Variants in FHAD1 observed in about 807,000 individuals in gnomAD.
FHAD1 encodes the protein forkhead-associated domain-containing protein 1.
In FHAD1, 146 loss-of-function variants were observed where a neutral mutation model predicts 191.3. That is an observed-to-expected ratio of 0.76 (90% CI 0.67 to 0.88). The LOEUF (loss-of-function observed/expected upper bound fraction) is 0.88. Among genes scored for constraint, FHAD1 ranks in the 40% least tolerant of loss-of-function variants. The pLI is 0.00. For missense variants in FHAD1, 1,635 were observed against 1,785.8 expected (o/e 0.92, Z 1.52); for synonymous variants, 616 against 672.3 (o/e 0.92, Z 1.29).
At chr1:15,310,664 A>G (rs1319516159) in intron 7 of FHAD1, among the ~76,000 whole-genome samples, 3 of 152,176 alleles carry the variant, frequency 2.0e-5, no homozygotes, top group African/African-American at 7.2e-5. Context: ...TCCGATCAGA[A>G]TCTTCATTTT....
At chr1:15,263,911 TG>T (rs1368105599) in intron 2 of FHAD1, among the ~76,000 whole-genome samples, 1 of 152,226 alleles carries the variant, frequency 6.6e-6, no homozygotes, top group African/African-American at 2.4e-5. Context: ...TGAATGGTAT[TG>T]ACACCCTTGT....
At position 15,381,474 on chromosome 1, in the gene FHAD1, C is replaced by G. The variant is rs746967375; in HGVS notation, c.4022+23C>G. 7.8e-6 allele frequency: 12 copies of G among 1,533,548 alleles called. No individual in the cohort carries two copies. The East Asian group carries it at 2.7e-4, about 34-fold the overall frequency. The allele number at this position is 1,533,548 out of a possible 1,614,324, so 95.0% of individuals were successfully genotyped here. On this transcript the variant is annotated intron_variant, in intron 30 of 33. Transcript: ENST00000688493. The surrounding 1 kb of genome is among the most constrained non-coding windows in gnomAD (Gnocchi z 4.6). ...CAGGTACCTCGGCACCCCCATGTCC[C>G]CACAGAAAGGCCCGGGCCTCCCTTC...
chr1:15,272,361 TAAC>T lies in FHAD1; in HGVS notation c.133_135del (p.Asn45del). The T allele has an allele frequency of 3.9e-6, 6 of 1,551,738 alleles. No homozygotes were observed. Among genetic ancestry groups the T allele is most frequent in the Non-Finnish European group, 4.4e-6 (5 of 1,147,006 alleles). On this transcript the variant is annotated inframe_deletion, in exon 3 of 34. Transcript: ENST00000688493. The stretch of plus-strand genomic sequence containing the variant: ...ACAACCACCATGCACTCATTGAATA[TAAC>T]GAGGCGGAGTGCAGCTTTGTTCTCC...
chr1:15,283,606 T>C (rs1661337621), intron 3 of FHAD1, among the ~76,000 whole-genome samples: 1 of 152,226 alleles, frequency 6.6e-6, no homozygotes, highest in African/African-American at 2.4e-5. Flanking sequence ...ATTCTCAACA[T>C]TTACTCATCG....
At chr1:15,361,590 G>T (rs1357796449) in intron 22 of FHAD1, among the ~76,000 whole-genome samples, 1 of 152,098 alleles carries the variant, frequency 6.6e-6, no homozygotes, top group African/African-American at 2.4e-5. Context: ...ACCAGATTTT[G>T]TCCCCGTAGT....
chr1:15,315,626 C>G (rs1034637158), intron 8 of FHAD1, among the ~76,000 whole-genome samples: 1 of 151,958 alleles, frequency 6.6e-6, no homozygotes, highest in East Asian at 1.9e-4. Context: ...GCTGGGACTA[C>G]AGGCGCCCGC....
intron 27 of FHAD1, among the ~76,000 whole-genome samples, chr1:15,374,864 GTTT>G (rs1553314216): frequency 6.8e-5 from 5 of 73,086 alleles, no homozygotes; most frequent in African/African-American, 1.8e-4. Context: ...TTTTTTGTTT[GTTT>G]TTTTTTTTTG....
intron 20 of FHAD1, among the ~76,000 whole-genome samples, chr1:15,354,621 A>G (rs531194633): frequency 1.3e-5 from 2 of 152,326 alleles, no homozygotes; most frequent in Non-Finnish European, 2.9e-5. Flanking sequence ...AGGAGAGGTT[A>G]AAGTTTTAAA....
intron 8 of FHAD1, among the ~76,000 whole-genome samples, chr1:15,314,205 C>G (rs911011354): frequency 1.3e-5 from 2 of 152,066 alleles, no homozygotes; most frequent in Non-Finnish European, 2.9e-5. Flanking sequence ...CAAGGTAAAA[C>G]CTAACAGCTT....
intron 28 of FHAD1, among the ~76,000 whole-genome samples, chr1:15,380,385 G>A (rs1338074534): frequency 6.6e-6 from 1 of 152,208 alleles, no homozygotes; most frequent in Non-Finnish European, 1.5e-5. Flanking sequence ...TCCAAACACT[G>A]CCAAATGGCC....
chr1:15,342,029 T>TGAATAATTGG (rs1686920807), intron 16 of FHAD1, 141 bp downstream of exon 16: 1 of 658,998 alleles, frequency 1.5e-6, no homozygotes. Flanking sequence ...TTAAACAGGG[T>TGAATAATTGG]GAATAATTGG....
rs1680249987 is a variant in FHAD1, at chr1:15,329,264, A to G, written c.1711-82A>G. 3.3e-6 allele frequency: 4 copies of G among 1,201,126 alleles called. No homozygotes were observed. In the Admixed American group the frequency reaches 8.3e-5, roughly 25 times the overall value. The allele number at this position is 1,201,126 out of a possible 1,614,324, so 74.4% of individuals were successfully genotyped here. A position where few individuals can be genotyped will look rare whatever the true frequency, so the allele number is the denominator to read the frequency against. On this transcript the variant is annotated intron_variant, in intron 13 of 33. Transcript: ENST00000688493. This position sits in a 1 kb window ranked among gnomAD's most constrained non-coding sequence, Gnocchi z 5.0. Reference sequence around the variant, plus strand: ...CGCTGCCTGCTTCGTGGCAGAGTCAAGAACGCTGTTCCTCGAAGGTCACGT... The same window carrying G: ...CGCTGCCTGCTTCGTGGCAGAGTCAGGAACGCTGTTCCTCGAAGGTCACGT...
At chr1:15,350,326 C>A (rs907674960) in intron 19 of FHAD1, among the ~76,000 whole-genome samples, 4 of 152,304 alleles carry the variant, frequency 2.6e-5, no homozygotes, top group African/African-American at 9.6e-5. Context: ...GAGAAGCAGG[C>A]TGGAGAGTGC....
At position 15,329,669 on chromosome 1, in the gene FHAD1, C is replaced by A; in HGVS notation, c.1906+128C>A. On this transcript the variant is annotated intron_variant, in intron 14 of 33. Transcript: ENST00000688493. This position sits in a 1 kb window ranked among gnomAD's most constrained non-coding sequence, Gnocchi z 5.0. ...GCCAAGTCTATTCCCTTCTCCAGAA[C>A]CCCCTGCTTCTCTGCTTGAGGCGTA... 1.4e-6 allele frequency: 1 copy of A among 737,152 alleles called. No homozygotes were observed. Among genetic ancestry groups the A allele is most frequent in the East Asian group, 2.8e-5 (1 of 35,940 alleles). 45.7% of individuals were successfully genotyped at this position (737,152 alleles called of 1,614,324 possible).
Position 15,273,791 on chromosome 1 carries a change from G to A in FHAD1, c.300+1262G>A, listed in dbSNP as rs142595694. Among the ~76,000 whole-genome samples, 68 of 152,302 alleles carry A rather than the reference G, an allele frequency of 4.5e-4. 2 individuals carry two copies. In the East Asian group the frequency reaches 0.013, roughly 29 times the overall value. On this transcript the variant is annotated intron_variant, in intron 3 of 33. Coordinates refer to ENST00000688493, the MANE Select transcript of FHAD1 (RefSeq NM_001391957.1). ...TCTAAGGAACAGTTCAGTGTTGAGT[G>A]CATTCACATTGTGGCGCTGCTGTCA...
chr1:15,303,062 C>T (rs748519954), intron 6 of FHAD1, among the ~76,000 whole-genome samples: 16 of 152,200 alleles, frequency 1.1e-4, no homozygotes, highest in African/African-American at 3.9e-4. Context: ...TTCATTCAAA[C>T]GTTTGTTGAG....
chr1:15,382,011 C>A lies in FHAD1; in HGVS notation c.4023-17C>A, dbSNP rs1701032417. 2.6e-6 allele frequency: 4 copies of A among 1,551,152 alleles called. No homozygotes were observed. The highest frequency in any genetic ancestry group is 3.5e-6 in the Non-Finnish European group (4 of 1,146,444). On this transcript the variant is annotated splice_polypyrimidine_tract_variant and intron_variant, in intron 30 of 33. Coordinates refer to ENST00000688493, the MANE Select transcript of FHAD1 (RefSeq NM_001391957.1). ...AAGATAAGGGAAAAACAGACGCCAT[C>A]TCTCCTGTGCACCCAGGCGGAGCAA...
Position 15,324,521 on chromosome 1 carries a change from AGC to A in FHAD1, c.1437_1438del (p.Val480HisfsTer2). ...GCTGCAAGAAATGGGGAACAGAGAG[AGC>A]GTCATTAAAATCAATTTGGAGAGGG... The part of the protein sequence containing the change: ...LQLQEMGNRE[S>X]VIKINLERAV... On this transcript the variant is annotated frameshift_variant, in exon 11 of 34. Coordinates refer to ENST00000688493, the MANE Select transcript of FHAD1 (RefSeq NM_001391957.1). LOFTEE classifies it high-confidence loss of function. 1.9e-6 allele frequency: 3 copies of A among 1,552,064 alleles called. No individual in the cohort carries two copies. The highest frequency in any genetic ancestry group is 1.7e-6 in the Non-Finnish European group (2 of 1,147,046).
intron 3 of FHAD1, among the ~76,000 whole-genome samples, chr1:15,279,822 C>T (rs1166254217): frequency 1.3e-5 from 2 of 152,008 alleles, no homozygotes; most frequent in African/African-American, 2.4e-5. Context: ...GGGGATGAGC[C>T]CCATTGTGGG....
Sources: allele counts gnomAD v4.1 joint callset (sites outside exome capture counted in the v4.1 genomes callset), GRCh38; gene constraint gnomAD v4.1.1; non-coding constraint Gnocchi (gnomAD v3.1); transcripts MANE v1.5; gene names NCBI Gene and HGNC (gene_info 2026-07-23, HGNC 2026-07-21).